The following SEZ6 variants were observed in gnomAD, a reference collection of about 807,000 sequenced individuals.
SEZ6 encodes seizure protein 6 homolog.
A neutral mutation model predicts 101.0 loss-of-function variants in SEZ6; 53 were observed. The observed-to-expected ratio is 0.52, with a 90% CI of 0.42 to 0.66. SEZ6 has a LOEUF of 0.66. SEZ6 is among the 30% of genes least tolerant of loss of function. The pLI, the probability that SEZ6 is intolerant of heterozygous loss-of-function variation, is 0.00. For missense variants in SEZ6, 1,102 were observed against 1,289.4 expected (o/e 0.85, Z 2.23); for synonymous variants, 488 against 512.2 (o/e 0.95, Z 0.64).
chr17:28,967,906 G>C (rs557477798), intron 4 of SEZ6, among the ~76,000 whole-genome samples: 2 of 152,280 alleles, frequency 1.3e-5, no homozygotes, highest in African/African-American at 4.8e-5. Flanking sequence ...GCAATCTGTT[G>C]AGTTATTTTC....
chr17:28,964,970 C>A (rs879828045), intron 4 of SEZ6, among the ~76,000 whole-genome samples: 1 of 151,926 alleles, frequency 6.6e-6, no homozygotes, highest in African/African-American at 2.4e-5. Context: ...GCAGGAGAAT[C>A]GCTTGAACCC....
At chr17:28,956,664 C>T (rs545513745) in intron 14 of SEZ6, 55 bp downstream of exon 14, 19 of 1,550,560 alleles carry the variant, frequency 1.2e-5, no homozygotes, top group African/African-American at 5.5e-5. Context: ...ACCTGGGAGC[C>T]GTGAGAACCA....
Position 28,959,176 on chromosome 17 carries a change from A to G in SEZ6, c.1956T>C (p.Asp652=), listed in dbSNP as rs775075674. The G allele has an allele frequency of 2.5e-5, 41 of 1,613,532 alleles. No homozygotes were observed. In the South Asian group the frequency reaches 4.4e-4, roughly 17 times the overall value. The change falls in exon 10 of 17, where the codon GAT becomes GAC. Residue 652 remains aspartate, a synonymous_variant. Coordinates refer to ENST00000317338, the MANE Select transcript of SEZ6 (RefSeq NM_178860.5). This position sits in a 1 kb window ranked among gnomAD's most constrained non-coding sequence, Gnocchi z 4.4. The part of the protein sequence containing the change: ...PGDVLTFYDG[D]DLTARVLGQY... ...GGCCCAGAACCCGGGCCGTCAGGTCATCCCCATCATAGAAGGTAAGCACAT... is the reference window on the plus strand; with the variant it reads ...GGCCCAGAACCCGGGCCGTCAGGTCGTCCCCATCATAGAAGGTAAGCACAT...
At chr17:29,002,696 C>T (rs896948130) in intron 1 of SEZ6, among the ~76,000 whole-genome samples, 4 of 152,218 alleles carry the variant, frequency 2.6e-5, no homozygotes, top group African/African-American at 9.6e-5. Flanking sequence ...GGACAAGGAA[C>T]AGGACCTAGT....
rs917270458 is a variant in SEZ6, at chr17:28,969,614, G to C, written c.1054+143C>G. ...CGCGATACTTACCTCCAATTGTCCA[G>C]AGCTTCACTGGACATTTGTGCTATG... On this transcript the variant is annotated intron_variant, in intron 4 of 16. Coordinates refer to ENST00000317338, the MANE Select transcript of SEZ6 (RefSeq NM_178860.5). The C allele has an allele frequency of 2.6e-5, 20 of 756,706 alleles. No individual in the cohort carries two copies. The African/African-American group carries it at 3.2e-4, about 12-fold the overall frequency. The allele number at this position is 756,706 out of a possible 1,614,324, so 46.9% of individuals were successfully genotyped here. A position where few individuals can be genotyped will look rare whatever the true frequency, so the allele number is the denominator to read the frequency against.
chr17:28,960,345 G>A (rs749198069), intron 7 of SEZ6, 160 bp downstream of exon 7: 9 of 937,466 alleles, frequency 9.6e-6, no homozygotes, highest in Non-Finnish European at 1.1e-5. Flanking sequence ...GACCCAAAGA[G>A]AGGGGCAGGG....
chr17:28,959,307 G>T lies in SEZ6; in HGVS notation c.1910+27C>A, dbSNP rs2040935774. On this transcript the variant is annotated intron_variant, in intron 9 of 16. Transcript: ENST00000317338. This position sits in a 1 kb window ranked among gnomAD's most constrained non-coding sequence, Gnocchi z 4.4. Reference sequence around the variant, plus strand: ...GGATATCCCCAGACCTCAGGAGTTGGCTCGGCCTGACCCGGTAGGCACTCA... The same window carrying T: ...GGATATCCCCAGACCTCAGGAGTTGTCTCGGCCTGACCCGGTAGGCACTCA... 1 of 1,613,882 alleles carries T rather than the reference G, an allele frequency of 6.2e-7. No individual in the cohort carries two copies. The highest frequency in any genetic ancestry group is 8.5e-7 in the Non-Finnish European group (1 of 1,179,850).
intron 1 of SEZ6, among the ~76,000 whole-genome samples, chr17:28,986,158 A>T (rs1481486443): frequency 6.6e-6 from 1 of 152,256 alleles, no homozygotes; most frequent in Admixed American, 6.5e-5. Context: ...CCCTGTTTAA[A>T]GTATTTAGAC....
chr17:28,959,692 A>C lies in SEZ6; in HGVS notation c.1771+6T>G, dbSNP rs1361573375. 1.3e-6 allele frequency: 2 copies of C among 1,582,200 alleles called. No homozygotes were observed. The highest frequency in any genetic ancestry group is 2.3e-5 in the South Asian group (2 of 85,474). ...CCGGTAGGCCCATCCACTGGTGTCT[A>C]CTGACCTCGGCAGGCTGGCTCTGTC... is the stretch of plus-strand genomic sequence containing the variant. On this transcript the variant is annotated splice_donor_region_variant and intron_variant, in intron 8 of 16. Transcript: ENST00000317338. This position sits in a 1 kb window ranked among gnomAD's most constrained non-coding sequence, Gnocchi z 4.4.
chr17:29,001,055 G>A (rs917676351), intron 1 of SEZ6, among the ~76,000 whole-genome samples: 4 of 152,148 alleles, frequency 2.6e-5, no homozygotes, highest in African/African-American at 9.7e-5. Context: ...TGGCGTGACA[G>A]CTTAATTTGT....
At chr17:28,994,846 G>C (rs970059334) in intron 1 of SEZ6, among the ~76,000 whole-genome samples, 9 of 152,080 alleles carry the variant, frequency 5.9e-5, no homozygotes, top group Non-Finnish European at 1.0e-4. Flanking sequence ...GGCATGGTGG[G>C]GGACTGTGCT....
intron 7 of SEZ6, 150 bp downstream of exon 7, chr17:28,960,355 G>GA (rs764864893): frequency 7.2e-5 from 75 of 1,046,010 alleles, no homozygotes; most frequent in Non-Finnish European, 1.0e-4. Context: ...GAGGGGCAGG[G>GA]AAAGGGGGCC....
At position 28,959,761 on chromosome 17, in the gene SEZ6, T is replaced by C. The variant is rs1369024476; in HGVS notation, c.1708A>G (p.Ile570Val). Residue 570 changes from isoleucine (I) to valine (V), a missense_variant, in exon 8 of 17, where the codon ATC (isoleucine) becomes GTC (valine). This residue lies in a region of SEZ6 where 556 missense variants were observed against 735.1 expected (regional missense o/e 0.76). Coordinates refer to ENST00000317338, the MANE Select transcript of SEZ6 (RefSeq NM_178860.5). The surrounding 1 kb of genome is among the most constrained non-coding windows in gnomAD (Gnocchi z 4.4). ...DPGYTLEQGS[I>V]IIECVDPHDP... ...TGGGGGTCAACACACTCGATGATGATGGAGCCCTGCTCCAGGGTGTAGCCA... is the reference window on the plus strand; with the variant it reads ...TGGGGGTCAACACACTCGATGATGACGGAGCCCTGCTCCAGGGTGTAGCCA... The C allele has an allele frequency of 2.5e-6, 4 of 1,613,092 alleles. No individual in the cohort carries two copies. Among genetic ancestry groups the C allele is most frequent in the Admixed American group, 3.3e-5 (2 of 59,970 alleles).
Position 28,958,101 on chromosome 17 carries a change from G to T in SEZ6, c.2148C>A (p.Ile716=). ...RNDTCPELPE[I]PNGWKSPSQP... is the part of the protein sequence containing the mutation. Reference sequence around the variant, plus strand: ...GCGATGGGCTCTTCCAGCCATTGGGGATCTCAGGCAGCTCCGGACATGTGT... The same window carrying T: ...GCGATGGGCTCTTCCAGCCATTGGGTATCTCAGGCAGCTCCGGACATGTGT... Residue 716 remains isoleucine (I), a synonymous_variant, in exon 11 of 17, where the codon ATC becomes ATA. Transcript: ENST00000317338. 6.2e-7 allele frequency: 1 copy of T among 1,606,492 alleles called. No homozygotes were observed. The highest frequency in any genetic ancestry group is 1.3e-5 in the African/African-American group (1 of 74,944).
chr17:28,961,068 T>C (rs2040971134), intron 5 of SEZ6, 95 bp from the exon 6 acceptor site: 2 of 1,474,624 alleles, frequency 1.4e-6, no homozygotes, highest in African/African-American at 1.4e-5. Flanking sequence ...TATCCTCTGC[T>C]TGGAGCAGCG....
Position 28,971,598 on chromosome 17 carries a change from CAA to C in SEZ6, c.859-1648_859-1647del, listed in dbSNP as rs369925828. On this transcript the variant is annotated intron_variant, in intron 3 of 16. Transcript: ENST00000317338. ...ACAAAAGCGAAACTCCATTTCAAAA[CAA>C]AAAAAAAAAGGAAATACAGAATCTC... Among the ~76,000 whole-genome samples, 15 of 141,062 alleles carry C rather than the reference CAA, an allele frequency of 1.1e-4. No individual in the cohort carries two copies. The East Asian group carries it at 2.4e-3, about 23-fold the overall frequency. The allele number at this position is 141,062 out of a possible 152,430, so 92.5% of individuals were successfully genotyped here.
intron 1 of SEZ6, among the ~76,000 whole-genome samples, chr17:28,988,304 G>A (rs2041410616): frequency 6.6e-6 from 1 of 152,166 alleles, no homozygotes; most frequent in African/African-American, 2.4e-5. Flanking sequence ...CCTAACACAT[G>A]AATGGCTTGT....
chr17:28,985,243 G>A (rs2041363341), intron 1 of SEZ6, among the ~76,000 whole-genome samples: 1 of 152,216 alleles, frequency 6.6e-6, no homozygotes, highest in Admixed American at 6.5e-5. Flanking sequence ...CGGACTCGTC[G>A]AAGATCTCAC....
chr17:28,965,846 C>T (rs547267364), intron 4 of SEZ6, among the ~76,000 whole-genome samples: 56 of 152,170 alleles, frequency 3.7e-4, no homozygotes, highest in Non-Finnish European at 6.9e-4. Flanking sequence ...GGGGTGGTAG[C>T]TAAAAGGATC....
Sources: gnomAD v4.1 joint callset for allele counts (sites outside exome capture counted in the v4.1 genomes callset) on GRCh38, gnomAD v4.1.1 for gene constraint, gnomAD v4.1.1 regional missense constraint, Gnocchi (gnomAD v3.1) non-coding constraint, MANE v1.5 for transcripts, NCBI Gene and HGNC (gene_info 2026-07-23, HGNC 2026-07-21) for gene names.